ARHGEF28: variants seen among roughly 807,000 people sequenced by gnomAD.
The protein encoded by ARHGEF28 is Rho guanine nucleotide exchange factor 28, also known as 190 kDa guanine nucleotide exchange factor.
In ARHGEF28, 152 loss-of-function variants were observed where a neutral mutation model predicts 206.6. The ratio of observed to expected loss-of-function variants is 0.74; its 90% CI spans 0.64 to 0.84. The LOEUF (loss-of-function observed/expected upper bound fraction) is 0.84. ARHGEF28 is among the 40% of genes least tolerant of loss of function. The pLI is 0.00. For synonymous variants in ARHGEF28, 763 were observed against 776.4 expected (o/e 0.98, Z 0.29); for missense variants, 2,028 against 2,073.2 (o/e 0.98, Z 0.42).
chr5:73,698,087 G>T (rs1467316077), intron 2 of ARHGEF28, among the ~76,000 whole-genome samples: 2 of 152,112 alleles, frequency 1.3e-5, no homozygotes, highest in East Asian at 3.9e-4. Flanking sequence ...CATTTATAAC[G>T]ATAAATAACA....
At chr5:73,744,389 C>T (rs1290313837) in intron 2 of ARHGEF28, among the ~76,000 whole-genome samples, 3 of 152,046 alleles carry the variant, frequency 2.0e-5, no homozygotes, top group Non-Finnish European at 2.9e-5. Flanking sequence ...ACATCTGGCT[C>T]TGGGATCCTG....
intron 9 of ARHGEF28, chr5:73,813,611 C>T (rs1036486126): frequency 6.5e-7 from 1 of 1,535,838 alleles, no homozygotes; most frequent in Non-Finnish European, 8.7e-7. Context: ...TCCGACTCAC[C>T]TTTTAACTAC....
chr5:73,627,905 T>C (rs1743107475), intron 1 of ARHGEF28, among the ~76,000 whole-genome samples: 1 of 152,032 alleles, frequency 6.6e-6, no homozygotes, highest in African/African-American at 2.4e-5. Context: ...TTTTTCCTTA[T>C]CAAAACCACA....
At chr5:73,837,892 C>A (rs1455395376) in intron 10 of ARHGEF28, among the ~76,000 whole-genome samples, 1 of 152,006 alleles carries the variant, frequency 6.6e-6, no homozygotes, top group Non-Finnish European at 1.5e-5. Context: ...CAGGTGTGCA[C>A]CATGACACCC....
chr5:73,750,830 G>A (rs1253901922), intron 3 of ARHGEF28, among the ~76,000 whole-genome samples: 1 of 152,084 alleles, frequency 6.6e-6, no homozygotes, highest in Non-Finnish European at 1.5e-5. Flanking sequence ...ATCATAAAGA[G>A]ACTCTTTAAT....
intron 1 of ARHGEF28, among the ~76,000 whole-genome samples, chr5:73,657,581 A>G (rs1231150340): frequency 6.6e-6 from 1 of 152,198 alleles, no homozygotes. Flanking sequence ...ATAATATTGA[A>G]TGGTGAGCCT....
At chr5:73,861,158 T>C (rs1444686745) in intron 16 of ARHGEF28, among the ~76,000 whole-genome samples, 1 of 152,110 alleles carries the variant, frequency 6.6e-6, no homozygotes, top group Non-Finnish European at 1.5e-5. Context: ...ATGACTCCCG[T>C]GTAGGTCCCG....
At chr5:73,672,763 A>G (rs1386656696) in intron 1 of ARHGEF28, among the ~76,000 whole-genome samples, 2 of 152,252 alleles carry the variant, frequency 1.3e-5, no homozygotes, top group African/African-American at 4.8e-5. Flanking sequence ...TGATAGATTG[A>G]GAACAAGCTT....
rs981057009 is a variant in ARHGEF28 at position 73,650,645 on chromosome 5, A to AT, written c.-12+24334dup. ...ATAGGCTTCTTCTTCCTTCTTCTTA[A>AT]TTTTTTTTTTTGACAATGTCTCACC... On this transcript the variant is annotated intron_variant, in intron 1 of 35. Transcript: ENST00000513042. Among the ~76,000 whole-genome samples the AT allele has an allele frequency of 7.3e-4, 105 of 143,494 alleles. 1 individual carries two copies. Among genetic ancestry groups the AT allele is most frequent in the South Asian group, 6.0e-3 (27 of 4,504 alleles). 94.1% of individuals were successfully genotyped at this position (143,494 alleles called of 152,430 possible). A position where few individuals can be genotyped will look rare whatever the true frequency, so the allele number is the denominator to read the frequency against.
chr5:73,855,305 A>T (rs1194337061), intron 14 of ARHGEF28, among the ~76,000 whole-genome samples: 1 of 152,170 alleles, frequency 6.6e-6, no homozygotes, highest in Non-Finnish European at 1.5e-5. Context: ...GTGGATTATG[A>T]CTATGATATT....
At chr5:73,920,821 GTT>G (rs573986617) in intron 35 of ARHGEF28, among the ~76,000 whole-genome samples, 4 of 152,110 alleles carry the variant, frequency 2.6e-5, no homozygotes, top group Non-Finnish European at 5.9e-5. Flanking sequence ...GTTAAAATGT[GTT>G]TCCCATAAAA....
At chr5:73,870,349 T>C in intron 21 of ARHGEF28, 140 bp downstream of exon 21, 2 of 1,076,724 alleles carry the variant, frequency 1.9e-6, no homozygotes, top group Non-Finnish European at 2.6e-6. Flanking sequence ...ATTATTTAGA[T>C]CACCTAGACC....
At position 73,886,016 on chromosome 5, in the gene ARHGEF28, GT is replaced by G; in HGVS notation, c.3225del (p.Phe1075LeufsTer6). 1 of 1,613,932 alleles carries G rather than the reference GT, an allele frequency of 6.2e-7. No individual in the cohort carries two copies. Among genetic ancestry groups the G allele is most frequent in the Non-Finnish European group, 8.5e-7 (1 of 1,179,864 alleles). On this transcript the variant is annotated frameshift_variant, in exon 25 of 36. Transcript: ENST00000513042. LOFTEE classifies it high-confidence loss of function. ...TYTKLKNGHV[F>X]RKQALMSEER... is the part of the protein sequence containing the mutation. ...ACACGAAGCTCAAAAATGGACATGT[GT>G]TTAGGAAGCAGGCACTGATGAGTGA...
intron 9 of ARHGEF28, among the ~76,000 whole-genome samples, chr5:73,816,117 T>TG: frequency 6.6e-6 from 1 of 151,976 alleles, no homozygotes; most frequent in South Asian, 2.1e-4. Context: ...ACATCTGGGG[T>TG]GGGGGGTGCC....
At chr5:73,844,124 A>G (rs927592280) in intron 11 of ARHGEF28, among the ~76,000 whole-genome samples, 2 of 152,254 alleles carry the variant, frequency 1.3e-5, no homozygotes, top group Admixed American at 6.5e-5. Context: ...ATCTTAGGTT[A>G]ATAGCTTAAA....
intron 8 of ARHGEF28, among the ~76,000 whole-genome samples, chr5:73,795,086 T>C (rs138873456): frequency 2.7e-4 from 41 of 152,324 alleles, no homozygotes; most frequent in African/African-American, 9.4e-4. Flanking sequence ...GTGGGAGATG[T>C]CCTCTGAGAA....
At chr5:73,885,649 G>GTATCT (rs1761235135) in intron 24 of ARHGEF28, among the ~76,000 whole-genome samples, 1 of 151,772 alleles carries the variant, frequency 6.6e-6, no homozygotes, top group African/African-American at 2.4e-5. Context: ...GCTAATTTTT[G>GTATCT]TATCTTTTTT....
Position 73,769,785 on chromosome 5 carries a change from G to A in ARHGEF28, c.476-4070G>A, listed in dbSNP as rs919336220. 5.3e-5 allele frequency among the ~76,000 whole-genome samples: 8 copies of A among 152,270 alleles called. 1 individual carries two copies. The highest frequency in any genetic ancestry group is 6.8e-3 in the Middle Eastern group (2 of 294). ...CCTCTAGCAGTGATTGTGAGTTCTGGAGACCTTGGTTAATTATTTAACCTA... is the reference window on the plus strand; with the variant it reads ...CCTCTAGCAGTGATTGTGAGTTCTGAAGACCTTGGTTAATTATTTAACCTA... On this transcript the variant is annotated intron_variant, in intron 4 of 35. Coordinates refer to ENST00000513042, the MANE Select transcript of ARHGEF28 (RefSeq NM_001177693.2).
intron 4 of ARHGEF28, among the ~76,000 whole-genome samples, chr5:73,757,169 G>T (rs1193560163): frequency 6.6e-6 from 1 of 152,028 alleles, no homozygotes; most frequent in Non-Finnish European, 1.5e-5. Context: ...TATTTGTGTT[G>T]CTTGTCTTCA....
Sources: gnomAD v4.1 joint callset for allele counts (sites outside exome capture counted in the v4.1 genomes callset) on GRCh38, gnomAD v4.1.1 for gene constraint, MANE v1.5 for transcripts, NCBI Gene and HGNC (gene_info 2026-07-23, HGNC 2026-07-21) for gene names.